TMEM163: variants seen among roughly 807,000 people sequenced by gnomAD.
TMEM163 encodes the protein transmembrane protein 163.
Under a neutral mutation model 29.3 loss-of-function variants are expected in TMEM163, and 17 were observed. The observed-to-expected ratio is 0.58, with a 90% CI of 0.40 to 0.87. TMEM163 has a LOEUF of 0.87. Ranked by LOEUF, TMEM163 falls within the 40% of genes least tolerant of loss-of-function variation. The probability of loss-of-function intolerance (pLI) is 0.00; values close to 1 mark genes in which losing one functional copy is unlikely to be tolerated. For synonymous variants in TMEM163, 157 were observed against 160.6 expected (o/e 0.98, Z 0.17); for missense variants, 303 against 381.5 (o/e 0.79, Z 1.71).
At chr2:134,644,515 C>T (rs1253807258) in intron 2 of TMEM163, among the ~76,000 whole-genome samples, 2 of 152,066 alleles carry the variant, frequency 1.3e-5, no homozygotes, top group Non-Finnish European at 2.9e-5. Flanking sequence ...GCCCCTTCAA[C>T]AAATGATGTT....
At chr2:134,461,474 A>G (rs1347737798) in intron 6 of TMEM163, among the ~76,000 whole-genome samples, 3 of 152,122 alleles carry the variant, frequency 2.0e-5, no homozygotes, top group African/African-American at 7.2e-5. Flanking sequence ...GCGCTCCCCC[A>G]GTGCTCTCTC....
At chr2:134,596,463 T>C (rs895715222) in intron 2 of TMEM163, among the ~76,000 whole-genome samples, 9 of 152,358 alleles carry the variant, frequency 5.9e-5, no homozygotes, top group African/African-American at 1.9e-4. Context: ...TTCTGTTCCA[T>C]TGGTCTGTAT....
intron 5 of TMEM163, among the ~76,000 whole-genome samples, chr2:134,497,929 T>C (rs1244265131): frequency 6.6e-6 from 1 of 152,212 alleles, no homozygotes; most frequent in Non-Finnish European, 1.5e-5. Flanking sequence ...GTTGAGATGG[T>C]GCTCAGGAGC....
Position 134,460,677 on chromosome 2 carries a change from G to C in TMEM163, c.668-2504C>G, listed in dbSNP as rs62168960. Reference sequence around the variant, plus strand: ...CAAGCCAGGTGCTGCTCAGAAAAGAGGCAAAAGCGTGAGGTTCCCCAGACA... The same window carrying C: ...CAAGCCAGGTGCTGCTCAGAAAAGACGCAAAAGCGTGAGGTTCCCCAGACA... On this transcript the variant is annotated intron_variant, in intron 6 of 7. Coordinates refer to ENST00000281924, the MANE Select transcript of TMEM163 (RefSeq NM_030923.5). The surrounding 1 kb of genome is among the most constrained non-coding windows in gnomAD (Gnocchi z 4.3). Among the ~76,000 whole-genome samples the C allele has an allele frequency of 0.019, 2,828 of 152,266 alleles. 38 individuals are homozygous for C. Among genetic ancestry groups the C allele is most frequent in the Non-Finnish European group, 0.029 (1,960 of 68,030 alleles).
At position 134,476,433 on chromosome 2, in the gene TMEM163, G is replaced by A. The variant is rs574470524; in HGVS notation, c.556-10208C>T. On this transcript the variant is annotated intron_variant, in intron 5 of 7. Transcript: ENST00000281924. Reference sequence around the variant, plus strand: ...CATCTGTCAAAACTCATCAAGTTGCGTACTTAAAGGGTGAATTTTATTGTA... The same window carrying A: ...CATCTGTCAAAACTCATCAAGTTGCATACTTAAAGGGTGAATTTTATTGTA... 9.2e-5 allele frequency among the ~76,000 whole-genome samples: 14 copies of A among 152,236 alleles called. No homozygotes were observed. The South Asian group carries it at 1.5e-3, about 16-fold the overall frequency.
intron 2 of TMEM163, among the ~76,000 whole-genome samples, chr2:134,670,413 C>T (rs1204978989): frequency 1.3e-5 from 2 of 152,194 alleles, no homozygotes; most frequent in Admixed American, 6.5e-5. Context: ...GCAGACCCCA[C>T]GTGGGGGAAC....
chr2:134,534,940 C>T (rs1558936891), intron 4 of TMEM163, among the ~76,000 whole-genome samples: 3 of 151,996 alleles, frequency 2.0e-5, no homozygotes, highest in Non-Finnish European at 4.4e-5. Flanking sequence ...TGCTCAAAGT[C>T]GGGGTAAGGG....
At chr2:134,646,746 A>G (rs1683346064) in intron 2 of TMEM163, among the ~76,000 whole-genome samples, 1 of 152,208 alleles carries the variant, frequency 6.6e-6, no homozygotes, top group Admixed American at 6.5e-5. Flanking sequence ...TGTCTGGGCC[A>G]TTCCATGTTT....
chr2:134,620,767 C>T (rs1682713172), intron 2 of TMEM163, among the ~76,000 whole-genome samples: 1 of 152,014 alleles, frequency 6.6e-6, no homozygotes, highest in Non-Finnish European at 1.5e-5. Flanking sequence ...ACTGAATACC[C>T]ATATACAAAG....
At chr2:134,616,645 C>T (rs541426838) in intron 2 of TMEM163, among the ~76,000 whole-genome samples, 5 of 152,068 alleles carry the variant, frequency 3.3e-5, no homozygotes, top group South Asian at 2.1e-4. Context: ...TCCATTTTTC[C>T]GCAAACCCTT....
chr2:134,532,856 C>G (rs1680444516), intron 4 of TMEM163, among the ~76,000 whole-genome samples: 1 of 152,154 alleles, frequency 6.6e-6, no homozygotes, highest in African/African-American at 2.4e-5. Flanking sequence ...ATCACAGCAG[C>G]CACTCCATGA....
At chr2:134,668,986 G>T (rs1471408152) in intron 2 of TMEM163, among the ~76,000 whole-genome samples, 2 of 151,978 alleles carry the variant, frequency 1.3e-5, no homozygotes, top group African/African-American at 4.8e-5. Flanking sequence ...CTACATGAAA[G>T]AGACCACCGC....
intron 5 of TMEM163, among the ~76,000 whole-genome samples, chr2:134,497,218 A>T (rs2106484965): frequency 6.6e-6 from 1 of 152,304 alleles, no homozygotes; most frequent in African/African-American, 2.4e-5. Flanking sequence ...AAGAAGTAAA[A>T]GGCTTTGCAG....
chr2:134,588,850 G>A (rs928627442), intron 2 of TMEM163, among the ~76,000 whole-genome samples: 10 of 152,140 alleles, frequency 6.6e-5, no homozygotes, highest in African/African-American at 1.9e-4. Context: ...AACGTTGGGG[G>A]GGGAAGAGGC....
chr2:134,584,857 G>A (rs1460164431), intron 2 of TMEM163, among the ~76,000 whole-genome samples: 1 of 152,086 alleles, frequency 6.6e-6, no homozygotes, highest in Admixed American at 6.5e-5. Context: ...TCTAGCTAAG[G>A]AACATGAGGC....
At chr2:134,528,228 T>C (rs1042795080) in intron 4 of TMEM163, among the ~76,000 whole-genome samples, 3 of 152,234 alleles carry the variant, frequency 2.0e-5, no homozygotes, top group Non-Finnish European at 2.9e-5. Context: ...AAATGGGTCT[T>C]GGTGTTTGTA....
chr2:134,537,608 T>C lies in TMEM163; in HGVS notation c.458+12962A>G, dbSNP rs77912149. Among the ~76,000 whole-genome samples the C allele has an allele frequency of 5.9e-3, 896 of 152,256 alleles. 5 individuals are homozygous for C. Among genetic ancestry groups the C allele is most frequent in the Non-Finnish European group, 7.6e-3 (518 of 68,006 alleles). On this transcript the variant is annotated intron_variant, in intron 4 of 7. Coordinates refer to ENST00000281924, the MANE Select transcript of TMEM163 (RefSeq NM_030923.5). ...TTTCAGGGAAGACATAAACACCCAG[T>C]TCATAATAGACACCCAGACAAGGTC...
chr2:134,512,659 T>C (rs1403049071), intron 4 of TMEM163, among the ~76,000 whole-genome samples: 1 of 152,088 alleles, frequency 6.6e-6, no homozygotes, highest in Non-Finnish European at 1.5e-5. Flanking sequence ...CATGCAGGTA[T>C]AGGGAGAAGC....
intron 2 of TMEM163, among the ~76,000 whole-genome samples, chr2:134,630,473 T>G (rs1397586898): frequency 6.6e-6 from 1 of 152,130 alleles, no homozygotes; most frequent in Non-Finnish European, 1.5e-5. Flanking sequence ...TGCAGCGCTG[T>G]GCAGAGAATA....
Sources: allele counts gnomAD v4.1 joint callset (sites outside exome capture counted in the v4.1 genomes callset), GRCh38; gene constraint gnomAD v4.1.1; non-coding constraint Gnocchi (gnomAD v3.1); transcripts MANE v1.5; gene names NCBI Gene and HGNC (gene_info 2026-07-23, HGNC 2026-07-21).